CMIP: variants seen among roughly 807,000 people sequenced by gnomAD.
CMIP encodes c-Maf inducing protein.
In CMIP, 13 loss-of-function variants were observed where a neutral mutation model predicts 97.3. The ratio of observed to expected loss-of-function variants is 0.13; its 90% CI spans 0.09 to 0.21. The LOEUF is 0.21. CMIP is among the 10% of genes least tolerant of loss of function. CMIP has a pLI of 1.00. For synonymous variants in CMIP, 538 were observed against 436.3 expected (o/e 1.23, Z -2.91); for missense variants, 847 against 1,024.9 (o/e 0.83, Z 2.37).
intron 3 of CMIP, among the ~76,000 whole-genome samples, chr16:81,626,810 T>G (rs1481983506): frequency 0.023 from 2,499 of 109,464 alleles, 52 homozygotes; most frequent in Non-Finnish European, 0.03. Flanking sequence ...TGTGTGTGTG[T>G]GTGTGTGGGG....
chr16:81,692,678 G>T (rs1171718207), intron 11 of CMIP, among the ~76,000 whole-genome samples: 1 of 152,240 alleles, frequency 6.6e-6, no homozygotes, highest in Non-Finnish European at 1.5e-5. Context: ...GAGGCGCTCA[G>T]TCTCAGCAGA....
At chr16:81,587,830 C>T (rs1480233055) in intron 1 of CMIP, among the ~76,000 whole-genome samples, 1 of 152,196 alleles carries the variant, frequency 6.6e-6, no homozygotes, top group African/African-American at 2.4e-5. Context: ...TGTTTTGGGC[C>T]TGACTGTCCA....
chr16:81,516,532 G>C (rs191967935), intron 1 of CMIP, among the ~76,000 whole-genome samples: 1 of 152,256 alleles, frequency 6.6e-6, no homozygotes, highest in South Asian at 2.1e-4. Flanking sequence ...CTTGCTCTTG[G>C]CCAGCCAGCT....
intron 1 of CMIP, among the ~76,000 whole-genome samples, chr16:81,466,115 C>T (rs559127431): frequency 6.6e-6 from 1 of 152,108 alleles, no homozygotes; most frequent in Admixed American, 6.5e-5. Context: ...GGCTAGAGTT[C>T]AGTGGCACAA....
chr16:81,593,006 C>A (rs183387152), intron 1 of CMIP, among the ~76,000 whole-genome samples: 8 of 152,380 alleles, frequency 5.3e-5, no homozygotes, highest in African/African-American at 1.4e-4. Flanking sequence ...CCCAGATTTT[C>A]ATCCCTCTTC....
At position 81,696,658 on chromosome 16, in the gene CMIP, C is replaced by T. The variant is rs369550544; in HGVS notation, c.1629C>T (p.Phe543=). The change falls in exon 14 of 21, where the codon TTC becomes TTT. Residue 543 remains phenylalanine (F), a synonymous_variant. Transcript: ENST00000537098. ...GVACDDDGEL[F]ASMVHILMGS... is the part of the protein sequence containing the mutation. ...CCTGCGACGATGACGGGGAGCTGTT[C>T]GCCAGCATGGTACGCAGTGGGACCC... is the stretch of plus-strand genomic sequence containing the variant. 1.0e-4 allele frequency: 168 copies of T among 1,605,988 alleles called. No individual in the cohort carries two copies. The highest frequency in any genetic ancestry group is 8.5e-4 in the Middle Eastern group (5 of 5,888).
chr16:81,697,639 C>G (rs1309421668), intron 14 of CMIP: 1 of 152,254 alleles, frequency 6.6e-6, no homozygotes. Context: ...ACAGTAGATG[C>G]ACGGCGCCCG....
chr16:81,478,714 C>T (rs549210482), intron 1 of CMIP, among the ~76,000 whole-genome samples: 2 of 152,302 alleles, frequency 1.3e-5, no homozygotes, highest in South Asian at 4.1e-4. Flanking sequence ...TTGCTTTTCC[C>T]ACTTGAATTC....
intron 10 of CMIP, among the ~76,000 whole-genome samples, chr16:81,682,050 A>G (rs1904922952): frequency 1.3e-5 from 2 of 151,994 alleles, no homozygotes; most frequent in African/African-American, 4.8e-5. Context: ...TAAAAATACA[A>G]ATATTAGCCG....
intron 11 of CMIP, 27 bp from the exon 12 acceptor site, chr16:81,693,131 C>A (rs1170039438): frequency 2.5e-6 from 4 of 1,606,170 alleles, no homozygotes; most frequent in Non-Finnish European, 3.4e-6. Context: ...CTGTTAACCG[C>A]CGTGTTTTCC....
In CMIP at chr16:81,517,006, C is replaced by T. The variant is rs58561339; in HGVS notation, c.300+71465C>T. On this transcript the variant is annotated intron_variant, in intron 1 of 20. Coordinates refer to ENST00000537098, the MANE Select transcript of CMIP (RefSeq NM_198390.3). The stretch of plus-strand genomic sequence containing the variant: ...AAGGCCTCCAAGGTCATCAGTGAAA[C>T]CCAGACGGCCTCCAAGGTCATCAGT... Among the ~76,000 whole-genome samples the T allele has an allele frequency of 1.4e-5, 2 of 143,060 alleles. 1 individual carries two copies. The highest frequency in any genetic ancestry group is 4.2e-4 in the East Asian group (2 of 4,808). 93.9% of individuals were successfully genotyped at this position (143,060 alleles called of 152,430 possible).
chr16:81,468,683 C>T (rs1446056357), intron 1 of CMIP, among the ~76,000 whole-genome samples: 2 of 152,224 alleles, frequency 1.3e-5, no homozygotes, highest in East Asian at 3.9e-4. Flanking sequence ...TTCCAGTGCC[C>T]GCAAACGAGG....
At position 81,599,146 on chromosome 16, in the gene CMIP, A is replaced by C. The variant is rs373579324; in HGVS notation, c.301-8421A>C. Reference sequence around the variant, plus strand: ...TGCAGCCATTGAGAAAGGTGCAGGCAGCTCCCCTGTGCCCACAACACCAAG... The same window carrying C: ...TGCAGCCATTGAGAAAGGTGCAGGCCGCTCCCCTGTGCCCACAACACCAAG... On this transcript the variant is annotated intron_variant, in intron 1 of 20. Transcript: ENST00000537098. 2.4e-4 allele frequency among the ~76,000 whole-genome samples: 37 copies of C among 152,042 alleles called. 1 individual carries two copies. The highest frequency in any genetic ancestry group is 8.2e-4 in the African/African-American group (34 of 41,390).
intron 10 of CMIP, among the ~76,000 whole-genome samples, chr16:81,683,857 GT>G (rs1905123765): frequency 6.7e-6 from 1 of 149,134 alleles, no homozygotes; most frequent in South Asian, 2.1e-4. Context: ...TGCCTCGCGG[GT>G]TCAAGCCATT....
At chr16:81,662,503 A>T (rs1223604153) in intron 6 of CMIP, among the ~76,000 whole-genome samples, 26 of 152,248 alleles carry the variant, frequency 1.7e-4, no homozygotes, top group Non-Finnish European at 2.8e-4. Context: ...GCCATGTGGG[A>T]TGCTTCTTTG....
At chr16:81,516,350 C>T (rs1380746643) in intron 1 of CMIP, among the ~76,000 whole-genome samples, 1 of 152,232 alleles carries the variant, frequency 6.6e-6, no homozygotes. Context: ...CTAGCTCCCC[C>T]GGGTCCCCTC....
intron 1 of CMIP, among the ~76,000 whole-genome samples, chr16:81,525,541 A>G (rs1308472359): frequency 7.9e-5 from 12 of 152,228 alleles, no homozygotes. Context: ...TTTAAGAGAC[A>G]GAGTATGGCT....
chr16:81,654,828 G>T (rs748573723), intron 4 of CMIP, among the ~76,000 whole-genome samples: 1 of 152,228 alleles, frequency 6.6e-6, no homozygotes, highest in African/African-American at 2.4e-5. Context: ...GCACATAGAT[G>T]TGAGATAAAC....
intron 3 of CMIP, among the ~76,000 whole-genome samples, chr16:81,640,737 C>CGTGTGTGTGT (rs1567627570): frequency 1.0e-3 from 76 of 76,038 alleles, no homozygotes; most frequent in African/African-American, 2.9e-3. Flanking sequence ...CTCTCTGGAG[C>CGTGTGTGTGT]ATGTGTGTGT....
Sources: allele counts gnomAD v4.1 joint callset (sites outside exome capture counted in the v4.1 genomes callset), GRCh38; gene constraint gnomAD v4.1.1; transcripts MANE v1.5; gene names NCBI Gene and HGNC (gene_info 2026-07-23, HGNC 2026-07-21).